Variants in MAP2K1 observed in about 807,000 individuals in gnomAD.
MAP2K1 encodes mitogen-activated protein kinase kinase 1.
In MAP2K1, 16 loss-of-function variants were observed where a neutral mutation model predicts 46.3. That is an observed-to-expected ratio of 0.35 (90% CI 0.23 to 0.52). The LOEUF is 0.52. MAP2K1 is among the 20% of genes least tolerant of loss of function. The probability of loss-of-function intolerance (pLI) is 0.94; values close to 1 mark genes in which losing one functional copy is unlikely to be tolerated. For missense variants in MAP2K1, 263 were observed against 497.1 expected, an observed-to-expected ratio of 0.53 and a Z score of 4.48; for synonymous variants, 183 against 185.6, an observed-to-expected ratio of 0.99 and a Z score of 0.11.
At chr15:66,435,389 G>A (rs1035736233) in intron 2 of MAP2K1, 152 bp downstream of exon 2, 2 of 645,018 alleles carry the variant, frequency 3.1e-6, no homozygotes, top group Non-Finnish European at 5.3e-6. Flanking sequence ...CATTCTTGTT[G>A]CCCAGGCTGG....
intron 5 of MAP2K1, 89 bp from the exon 6 acceptor site, chr15:66,481,666 T>C: frequency 6.7e-7 from 1 of 1,492,598 alleles, no homozygotes; most frequent in South Asian, 1.1e-5. Context: ...GGACTCGTGG[T>C]CAGGGCTGGT....
At chr15:66,455,542 C>A (rs1892144580) in intron 5 of MAP2K1, among the ~76,000 whole-genome samples, 2 of 152,068 alleles carry the variant, frequency 1.3e-5, no homozygotes, top group South Asian at 4.1e-4. Flanking sequence ...TTTTCAGGTA[C>A]CATTTAGTTA....
chr15:66,417,931 G>A (rs1018085604), intron 1 of MAP2K1, among the ~76,000 whole-genome samples: 2 of 152,106 alleles, frequency 1.3e-5, no homozygotes, highest in African/African-American at 4.8e-5. Context: ...CTTTTGCCTT[G>A]GGGACCCGAC....
chr15:66,387,560 C>A, intron 1 of MAP2K1, 133 bp downstream of exon 1: 2 of 862,794 alleles, frequency 2.3e-6, no homozygotes, highest in Non-Finnish European at 3.7e-6. Flanking sequence ...AAACTCCCGG[C>A]CGCCGAGGTA....
At chr15:66,441,739 G>T (rs1364549744) in intron 3 of MAP2K1, among the ~76,000 whole-genome samples, 2 of 144,240 alleles carry the variant, frequency 1.4e-5, no homozygotes. Context: ...TATCTTAAAG[G>T]TTTAAAAAAA....
intron 2 of MAP2K1, among the ~76,000 whole-genome samples, chr15:66,436,066 C>T (rs2093487305): frequency 6.6e-6 from 1 of 152,112 alleles, no homozygotes; most frequent in Admixed American, 6.6e-5. Context: ...CTCCTGTGCC[C>T]ATAATTTTTT....
intron 5 of MAP2K1, among the ~76,000 whole-genome samples, chr15:66,475,037 T>A (rs1021610845): frequency 2.6e-5 from 4 of 152,174 alleles, no homozygotes; most frequent in Non-Finnish European, 4.4e-5. Flanking sequence ...CTCAGCTGCA[T>A]CCTGGCTTTT....
intron 1 of MAP2K1, among the ~76,000 whole-genome samples, chr15:66,394,459 CTTTTTT>C (rs34599278): frequency 6.4e-5 from 8 of 125,484 alleles, no homozygotes; most frequent in Non-Finnish European, 1.4e-4. Flanking sequence ...TAACCAGGAA[CTTTTTT>C]TTTTTTTTTT....
chr15:66,446,584 G>T, intron 5 of MAP2K1: 1 of 230,724 alleles, frequency 4.3e-6, no homozygotes, highest in Admixed American at 4.4e-5. Context: ...GATTACTCCA[G>T]TGTTGTTTGG....
intron 1 of MAP2K1, among the ~76,000 whole-genome samples, chr15:66,406,725 A>G (rs1205063434): frequency 6.6e-6 from 1 of 152,166 alleles, no homozygotes; most frequent in Non-Finnish European, 1.5e-5. Context: ...AGGAGCAGAA[A>G]GGACTTTAAA....
At chr15:66,397,492 T>C (rs977990442) in intron 1 of MAP2K1, among the ~76,000 whole-genome samples, 1 of 152,146 alleles carries the variant, frequency 6.6e-6, no homozygotes, top group Non-Finnish European at 1.5e-5. Flanking sequence ...AAAAGCACTT[T>C]ATGATCACTG....
In MAP2K1 at chr15:66,393,705, C is replaced by T. The variant is rs148210589; in HGVS notation, c.80+6278C>T. ...TAGTTTTCTTCCAGTGTTCTCTTCA[C>T]TCATGCACTCTAGCCACACTGTCCT... On this transcript the variant is annotated intron_variant, in intron 1 of 10. Coordinates refer to ENST00000307102, the MANE Select transcript of MAP2K1 (RefSeq NM_002755.4). Among the ~76,000 whole-genome samples the T allele has an allele frequency of 5.3e-5, 8 of 152,360 alleles. No homozygotes were observed. The East Asian group carries it at 1.3e-3, about 26-fold the overall frequency.
chr15:66,471,151 C>T (rs556013511), intron 5 of MAP2K1, among the ~76,000 whole-genome samples: 15 of 152,274 alleles, frequency 9.9e-5, no homozygotes, highest in Admixed American at 3.9e-4. Flanking sequence ...CTTGACTTTT[C>T]CCTTTAGCTT....
intron 5 of MAP2K1, among the ~76,000 whole-genome samples, chr15:66,455,027 C>A (rs1411797362): frequency 6.6e-6 from 1 of 152,170 alleles, no homozygotes; most frequent in Non-Finnish European, 1.5e-5. Flanking sequence ...AGCTCCCTGG[C>A]GTACAACTCT....
At position 66,436,826 on chromosome 15, in the gene MAP2K1, G is replaced by C. The variant is rs750270430; in HGVS notation, c.372G>C (p.Pro124=). ...ELQVLHECNS[P]YIVGFYGAFY... is the part of the protein sequence containing the mutation. ...AGGTTCTGCATGAGTGCAACTCTCC[G>C]TACATCGTGGGCTTCTATGGTGCGT... Residue 124 remains proline, a synonymous_variant, in exon 3 of 11, where the codon CCG becomes CCC. Transcript: ENST00000307102. 1 of 1,614,146 alleles carries C rather than the reference G, an allele frequency of 6.2e-7. No homozygotes were observed. The highest frequency in any genetic ancestry group is 8.5e-7 in the Non-Finnish European group (1 of 1,180,016).
At chr15:66,438,664 C>G (rs1216226753) in intron 3 of MAP2K1, among the ~76,000 whole-genome samples, 1 of 152,170 alleles carries the variant, frequency 6.6e-6, no homozygotes, top group Non-Finnish European at 1.5e-5. Flanking sequence ...GTTTTTCCCC[C>G]CATGGATTTG....
intron 1 of MAP2K1, among the ~76,000 whole-genome samples, chr15:66,430,296 G>C (rs1006858053): frequency 1.3e-5 from 2 of 152,086 alleles, no homozygotes; most frequent in Non-Finnish European, 2.9e-5. Context: ...GGGCTCTCTG[G>C]TAAGAACACC....
At chr15:66,411,830 AC>A (rs1428596155) in intron 1 of MAP2K1, among the ~76,000 whole-genome samples, 2 of 152,340 alleles carry the variant, frequency 1.3e-5, no homozygotes, top group African/African-American at 4.8e-5. Context: ...ATTTTAAAAC[AC>A]ATTCCCACCC....
intron 10 of MAP2K1, 84 bp from the exon 11 acceptor site, chr15:66,490,418 T>G (rs1893213248): frequency 3.0e-6 from 3 of 1,016,576 alleles, no homozygotes; most frequent in African/African-American, 1.6e-5. Flanking sequence ...GCTCTAGACC[T>G]GAAACTCTTG....
Sources: gnomAD v4.1 joint callset for allele counts (sites outside exome capture counted in the v4.1 genomes callset) on GRCh38, gnomAD v4.1.1 for gene constraint, MANE v1.5 for transcripts, NCBI Gene and HGNC (gene_info 2026-07-23, HGNC 2026-07-21) for gene names.